Variants in RPS6KC1 observed in about 807,000 individuals in gnomAD.
RPS6KC1 encodes the protein ribosomal protein S6 kinase C1, also known as inactive ribosomal protein S6 kinase delta-1.
In RPS6KC1, 54 loss-of-function variants were observed where a neutral mutation model predicts 103.8. The ratio of observed to expected loss-of-function variants is 0.52; its 90% CI spans 0.42 to 0.65. RPS6KC1 has a LOEUF of 0.65. Ranked by LOEUF, RPS6KC1 falls within the 30% of genes least tolerant of loss-of-function variation. The pLI is 0.00. For missense variants in RPS6KC1, 1,151 were observed against 1,253.8 expected (o/e 0.92, Z 1.24); for synonymous variants, 439 against 438.7 (o/e 1.00, Z -0.01).
At chr1:213,646,835 C>T in the RPS6KC1 span, among the ~76,000 whole-genome samples, 1 of 151,724 alleles carries the variant, frequency 6.6e-6, no homozygotes, top group Non-Finnish European at 1.5e-5. Context: ...TAAAAAGTGA[C>T]TCCAGAATAA....
the RPS6KC1 span, among the ~76,000 whole-genome samples, chr1:213,332,501 C>T: frequency 2.6e-5 from 4 of 152,238 alleles, no homozygotes; most frequent in Non-Finnish European, 5.9e-5. Context: ...TCTAATCCAT[C>T]TCTGGCAGCA....
At chr1:213,244,260 A>G (rs2094416592) in intron 12 of RPS6KC1, among the ~76,000 whole-genome samples, 1 of 151,796 alleles carries the variant, frequency 6.6e-6, no homozygotes, top group South Asian at 2.1e-4. Context: ...TTTAGGTTCC[A>G]GTGTACTTAG....
chr1:213,786,255 T>C, the RPS6KC1 span, among the ~76,000 whole-genome samples: 6 of 152,198 alleles, frequency 3.9e-5, no homozygotes, highest in African/African-American at 1.4e-4. Flanking sequence ...TCTTAGACTT[T>C]TTGAAAAGCC....
At chr1:213,212,747 G>C (rs906703789) in intron 8 of RPS6KC1, among the ~76,000 whole-genome samples, 1 of 152,196 alleles carries the variant, frequency 6.6e-6, no homozygotes, top group Non-Finnish European at 1.5e-5. Flanking sequence ...CCAGCATTTG[G>C]AGGTGTCAGT....
chr1:213,474,937 A>G, the RPS6KC1 span, among the ~76,000 whole-genome samples: 3 of 152,164 alleles, frequency 2.0e-5, no homozygotes, highest in Non-Finnish European at 2.9e-5. Context: ...CCCTGGATAC[A>G]AGAGAGTTCC....
intron 14 of RPS6KC1, 31 bp from the exon 15 acceptor site, chr1:213,272,493 C>T: frequency 5.2e-6 from 8 of 1,526,064 alleles, no homozygotes; most frequent in Non-Finnish European, 7.3e-6. Context: ...CAGTTGGATT[C>T]CTGTTACTCA....
At chr1:213,718,686 C>T in the RPS6KC1 span, among the ~76,000 whole-genome samples, 2 of 152,238 alleles carry the variant, frequency 1.3e-5, no homozygotes. Context: ...CTTCTCCAGT[C>T]TCAAAAGCTG....
chr1:213,727,856 AAG>A, the RPS6KC1 span, among the ~76,000 whole-genome samples: 1 of 152,250 alleles, frequency 6.6e-6, no homozygotes, highest in Admixed American at 6.5e-5. Context: ...TGTGGAGAGA[AAG>A]AGAAAAGTTA....
At chr1:213,236,012 A>G (rs1027878545) in intron 10 of RPS6KC1, among the ~76,000 whole-genome samples, 3 of 152,164 alleles carry the variant, frequency 2.0e-5, no homozygotes, top group Non-Finnish European at 4.4e-5. Flanking sequence ...ACAAGTGAAC[A>G]TTACTGTCTG....
chr1:213,337,209 C>G, the RPS6KC1 span, among the ~76,000 whole-genome samples: 1 of 152,230 alleles, frequency 6.6e-6, no homozygotes, highest in Admixed American at 6.5e-5. Flanking sequence ...AAGTCCCACC[C>G]TCCTCATTCT....
chr1:213,632,856 A>G, the RPS6KC1 span, among the ~76,000 whole-genome samples: 1 of 152,240 alleles, frequency 6.6e-6, no homozygotes. Flanking sequence ...ACCTTAAATG[A>G]CCTGATGGAG....
the RPS6KC1 span, among the ~76,000 whole-genome samples, chr1:213,359,249 G>A: frequency 6.6e-6 from 1 of 152,180 alleles, no homozygotes; most frequent in Non-Finnish European, 1.5e-5. Context: ...CCTGTACTGG[G>A]TGCATATATA....
chr1:213,384,686 A>G, the RPS6KC1 span, among the ~76,000 whole-genome samples: 2 of 152,220 alleles, frequency 1.3e-5, no homozygotes, highest in East Asian at 3.9e-4. Context: ...CCAGGAGGCC[A>G]CCCCATCTCC....
At chr1:213,154,418 A>C (rs1395968239) in intron 6 of RPS6KC1, among the ~76,000 whole-genome samples, 1 of 152,230 alleles carries the variant, frequency 6.6e-6, no homozygotes, top group African/African-American at 2.4e-5. Flanking sequence ...AAACCTTAGA[A>C]GTCTACCCGG....
At chr1:213,193,232 A>T (rs1001544063) in intron 8 of RPS6KC1, among the ~76,000 whole-genome samples, 3 of 152,108 alleles carry the variant, frequency 2.0e-5, no homozygotes, top group Non-Finnish European at 2.9e-5. Context: ...TATAACACAG[A>T]TTAAATTTGA....
At chr1:213,353,251 G>A in the RPS6KC1 span, among the ~76,000 whole-genome samples, 1 of 152,126 alleles carries the variant, frequency 6.6e-6, no homozygotes, top group Admixed American at 6.6e-5. Context: ...TGAATGCCTC[G>A]GTATGCTTCT....
the RPS6KC1 span, among the ~76,000 whole-genome samples, chr1:213,408,759 T>G: frequency 6.6e-6 from 1 of 152,218 alleles, no homozygotes; most frequent in African/African-American, 2.4e-5. Context: ...TCATAATTTC[T>G]TAGGGAAGGA....
chr1:213,834,999 G>C, the RPS6KC1 span, among the ~76,000 whole-genome samples: 1 of 152,178 alleles, frequency 6.6e-6, no homozygotes, highest in Non-Finnish European at 1.5e-5. Context: ...AAAAACACCA[G>C]ACACTATAAA....
the RPS6KC1 span, among the ~76,000 whole-genome samples, chr1:213,715,209 T>C: frequency 6.6e-6 from 1 of 152,230 alleles, no homozygotes; most frequent in Non-Finnish European, 1.5e-5. Flanking sequence ...CAAAAGTGGC[T>C]ATACATGTTA....
Sources: gnomAD v4.1 joint callset for allele counts (sites outside exome capture counted in the v4.1 genomes callset) on GRCh38, gnomAD v4.1.1 for gene constraint, MANE v1.5 for transcripts, NCBI Gene and HGNC (gene_info 2026-07-23, HGNC 2026-07-21) for gene names.